Variants in PSD3 observed in about 807,000 individuals in gnomAD.
PSD3 encodes the protein PH and SEC7 domain-containing protein 3.
PSD3 carries 49 observed loss-of-function variants against 105.5 expected under a neutral mutation model. The ratio of observed to expected loss-of-function variants is 0.46; its 90% CI spans 0.37 to 0.59. PSD3 has a LOEUF of 0.59. Among genes scored for constraint, PSD3 ranks in the 20% least tolerant of loss-of-function variants. The pLI, the probability that PSD3 is intolerant of heterozygous loss-of-function variation, is 0.00. For missense variants in PSD3, 1,561 were observed against 1,263.8 expected (o/e 1.24, Z -3.57); for synonymous variants, 557 against 457.8 (o/e 1.22, Z -2.77).
intron 9 of PSD3, among the ~76,000 whole-genome samples, chr8:18,718,623 T>C (rs1366948553): frequency 1.3e-5 from 2 of 152,228 alleles, no homozygotes; most frequent in Non-Finnish European, 2.9e-5. Context: ...CATGTATTCA[T>C]GTATTAGCTG....
intron 4 of PSD3, chr8:18,808,781 G>A (rs966719640): frequency 6.2e-7 from 1 of 1,613,888 alleles, no homozygotes; most frequent in African/African-American, 1.3e-5. Flanking sequence ...ACCAAGAAGA[G>A]CCCATCGCAA....
chr8:19,077,480 TA>T (rs552142413), intron 1 of PSD3, among the ~76,000 whole-genome samples: 9 of 149,294 alleles, frequency 6.0e-5, no homozygotes, highest in Non-Finnish European at 7.5e-5. Context: ...TGGACGTCCT[TA>T]AAAAAAAAAT....
At chr8:18,773,683 G>T (rs963457662) in intron 8 of PSD3, among the ~76,000 whole-genome samples, 3 of 152,068 alleles carry the variant, frequency 2.0e-5, no homozygotes, top group Non-Finnish European at 2.9e-5. Flanking sequence ...GAGAAATCAG[G>T]AGTCCTCCAA....
intron 14 of PSD3, among the ~76,000 whole-genome samples, chr8:18,562,428 C>T (rs1341326048): frequency 1.3e-5 from 2 of 152,206 alleles, no homozygotes; most frequent in Non-Finnish European, 1.5e-5. Context: ...ATCCAAAGGG[C>T]TGTCAACAAC....
intron 14 of PSD3, among the ~76,000 whole-genome samples, chr8:18,565,267 T>G (rs1316712557): frequency 6.6e-6 from 1 of 152,144 alleles, no homozygotes; most frequent in African/African-American, 2.4e-5. Context: ...GTGAGCAGAC[T>G]GTGAACAGGG....
At chr8:18,886,524 G>T (rs1248875835) in intron 2 of PSD3, among the ~76,000 whole-genome samples, 1 of 152,038 alleles carries the variant, frequency 6.6e-6, no homozygotes, top group East Asian at 1.9e-4. Context: ...TAATACAGAC[G>T]GATACTTTCA....
chr8:18,894,289 G>C (rs1028306251), intron 2 of PSD3, among the ~76,000 whole-genome samples: 27 of 152,122 alleles, frequency 1.8e-4, no homozygotes, highest in Non-Finnish European at 1.9e-4. Flanking sequence ...CTTACTTCAC[G>C]GGTTTTTGTA....
At chr8:19,005,114 AC>A (rs1826612518) in intron 1 of PSD3, among the ~76,000 whole-genome samples, 1 of 151,986 alleles carries the variant, frequency 6.6e-6, no homozygotes, top group South Asian at 2.1e-4. Context: ...ATGAGATACC[AC>A]CTCACACCCA....
intron 9 of PSD3, among the ~76,000 whole-genome samples, chr8:18,742,669 T>A (rs1284971177): frequency 6.6e-6 from 1 of 152,180 alleles, no homozygotes; most frequent in East Asian, 1.9e-4. Flanking sequence ...TATTTTTAAC[T>A]TCAGTCCTGG....
intron 2 of PSD3, among the ~76,000 whole-genome samples, chr8:18,897,071 T>C (rs1432195160): frequency 6.6e-6 from 1 of 152,158 alleles, no homozygotes; most frequent in Non-Finnish European, 1.5e-5. Context: ...CCTCCCAAAG[T>C]GCTGGGATTA....
intron 12 of PSD3, among the ~76,000 whole-genome samples, chr8:18,583,911 A>G (rs1446383646): frequency 6.6e-6 from 1 of 152,162 alleles, no homozygotes; most frequent in Non-Finnish European, 1.5e-5. Flanking sequence ...AATCTTATAT[A>G]TGCACTCATT....
chr8:18,675,121 A>G (rs1799997953), intron 9 of PSD3, among the ~76,000 whole-genome samples: 1 of 152,226 alleles, frequency 6.6e-6, no homozygotes, highest in Admixed American at 6.5e-5. Context: ...ACTTTCTTGT[A>G]TCTGTACGTC....
chr8:18,798,031 T>G (rs1053757870), intron 8 of PSD3, among the ~76,000 whole-genome samples: 1 of 152,160 alleles, frequency 6.6e-6, no homozygotes, highest in African/African-American at 2.4e-5. Flanking sequence ...GAAAACTTGC[T>G]TGGCCAGTAA....
At chr8:18,866,513 G>A (rs761464189) in intron 4 of PSD3, among the ~76,000 whole-genome samples, 2 of 152,200 alleles carry the variant, frequency 1.3e-5, no homozygotes, top group Non-Finnish European at 2.9e-5. Flanking sequence ...TTCAGAGAAC[G>A]TAAGTGGCTT....
At position 18,528,373 on chromosome 8, in the gene PSD3, A is replaced by T. The variant is rs1168576157; in HGVS notation, c.*7370T>A. 1 of 152,208 alleles carries T rather than the reference A, an allele frequency of 6.6e-6. No homozygotes were observed. Among genetic ancestry groups the T allele is most frequent in the Non-Finnish European group, 1.5e-5 (1 of 68,040 alleles). The allele number at this position is 152,208 out of a possible 1,614,324, so 9.4% of individuals were successfully genotyped here. On this transcript the variant is annotated 3_prime_UTR_variant, in exon 16 of 16. Coordinates refer to ENST00000327040, the MANE Select transcript of PSD3 (RefSeq NM_015310.4). ...CAGGGTGCCAGTTTGTTTTTTGCAAAGGTAAAATACGTGGTGTTAACTTCA... is the reference window on the plus strand; with the variant it reads ...CAGGGTGCCAGTTTGTTTTTTGCAATGGTAAAATACGTGGTGTTAACTTCA...
intron 10 of PSD3, among the ~76,000 whole-genome samples, chr8:18,634,418 T>A (rs556786252): frequency 2.6e-5 from 4 of 152,230 alleles, no homozygotes; most frequent in Non-Finnish European, 4.4e-5. Flanking sequence ...AATATTAACA[T>A]CTTATATATT....
At chr8:18,856,984 C>G (rs1332856308) in intron 4 of PSD3, among the ~76,000 whole-genome samples, 5 of 152,136 alleles carry the variant, frequency 3.3e-5, no homozygotes, top group Non-Finnish European at 7.4e-5. Flanking sequence ...ACTTAAGAAC[C>G]CACACTCTTC....
At chr8:18,903,946 T>C (rs1217169328) in intron 2 of PSD3, among the ~76,000 whole-genome samples, 1 of 151,914 alleles carries the variant, frequency 6.6e-6, no homozygotes, top group Non-Finnish European at 1.5e-5. Context: ...GAGGGGTAGG[T>C]GATGTGGCTC....
chr8:19,072,798 C>A (rs776174036), intron 1 of PSD3, among the ~76,000 whole-genome samples: 19 of 152,190 alleles, frequency 1.2e-4, no homozygotes, highest in Non-Finnish European at 4.4e-5. Flanking sequence ...ATTCCAAGTT[C>A]TTTACATATT....
Sources: gnomAD v4.1 joint callset for allele counts (sites outside exome capture counted in the v4.1 genomes callset) on GRCh38, gnomAD v4.1.1 for gene constraint, MANE v1.5 for transcripts, NCBI Gene and HGNC (gene_info 2026-07-23, HGNC 2026-07-21) for gene names.